Variants in IQGAP3 observed in about 807,000 individuals in gnomAD.
IQGAP3 encodes IQ motif containing GTPase activating protein 3, also known as ras GTPase-activating-like protein IQGAP3.
IQGAP3 carries 165 observed loss-of-function variants against 208.2 expected under a neutral mutation model. That is an observed-to-expected ratio of 0.79 (90% CI 0.70 to 0.90). IQGAP3 has a LOEUF of 0.90. IQGAP3 is among the 40% of genes least tolerant of loss of function. The pLI is 0.00. For synonymous variants in IQGAP3, 703 were observed against 803.6 expected (o/e 0.87, Z 2.12); for missense variants, 1,811 against 2,043.1 (o/e 0.89, Z 2.19).
chr1:156,572,160 G>A lies in IQGAP3; in HGVS notation c.37+333C>T, dbSNP rs184166856. Among the ~76,000 whole-genome samples the A allele has an allele frequency of 1.8e-3, 278 of 152,326 alleles. 1 individual carries two copies. Among genetic ancestry groups the A allele is most frequent in the African/African-American group, 6.3e-3 (262 of 41,584 alleles). ...GCGTCTTGTCCGGTGGCATCGCTGG[G>A]CAAGTTTGGTAGCCAGCAGTAACTG... On this transcript the variant is annotated intron_variant, in intron 1 of 37. Transcript: ENST00000361170.
chr1:156,555,441 G>A (rs985044062), intron 12 of IQGAP3, among the ~76,000 whole-genome samples: 3 of 152,128 alleles, frequency 2.0e-5, no homozygotes, highest in African/African-American at 4.8e-5. Context: ...GGCCAGGCTG[G>A]TCTCAAACTC....
At position 156,566,020 on chromosome 1, in the gene IQGAP3, G is replaced by C. The variant is rs1038906443; in HGVS notation, c.360+7C>G. The C allele has an allele frequency of 6.2e-7, 1 of 1,607,028 alleles. No individual in the cohort carries two copies. The highest frequency in any genetic ancestry group is 8.5e-7 in the Non-Finnish European group (1 of 1,173,672). ...AGATGAATACCAATCTTCAGGCCCA[G>C]TATTACCGAAGGCAGACCGATGTGG... On this transcript the variant is annotated splice_region_variant and intron_variant, in intron 4 of 37. Coordinates refer to ENST00000361170, the MANE Select transcript of IQGAP3 (RefSeq NM_178229.5).
At position 156,525,921 on chromosome 1, in the gene IQGAP3, G is replaced by A. The variant is rs1220869230; in HGVS notation, c.*565C>T. 1.3e-5 allele frequency: 2 copies of A among 154,840 alleles called. No homozygotes were observed. The highest frequency in any genetic ancestry group is 2.9e-5 in the Non-Finnish European group (2 of 69,452). The allele number at this position is 154,840 out of a possible 1,614,324, so 9.6% of individuals were successfully genotyped here. A position where few individuals can be genotyped will look rare whatever the true frequency, so the allele number is the denominator to read the frequency against. On this transcript the variant is annotated 3_prime_UTR_variant, in exon 38 of 38. Coordinates refer to ENST00000361170, the MANE Select transcript of IQGAP3 (RefSeq NM_178229.5). ...GCCCATGCCGCCATGGGGGGCAACA[G>A]TGCCACAATGCCACATGGGCACTAA...
intron 1 of IQGAP3, 65 bp from the exon 2 acceptor site, chr1:156,569,528 CTT>C (rs34005985): frequency 0.022 from 2,960 of 137,366 alleles, no homozygotes; most frequent in South Asian, 0.036. Flanking sequence ...ACTGAAGGGT[CTT>C]TTTTTTTTTT....
At chr1:156,564,102 G>C (rs1022265584) in intron 5 of IQGAP3, among the ~76,000 whole-genome samples, 4 of 152,168 alleles carry the variant, frequency 2.6e-5, no homozygotes, top group African/African-American at 7.2e-5. Context: ...AATGGAGAGA[G>C]AGGACAGGAA....
rs568581518 is a variant in IQGAP3 at position 156,551,285 on chromosome 1, C to T, written c.1734+420G>A. Among the ~76,000 whole-genome samples, 3 of 152,312 alleles carry T rather than the reference C, an allele frequency of 2.0e-5. No individual in the cohort carries two copies. In the East Asian group the frequency reaches 5.8e-4, roughly 29 times the overall value. ...CTGGCCCAGGAGTCTGAGCTCTCAA[C>T]CACTCTCTACTGCAACATACTCAGG... On this transcript the variant is annotated intron_variant, in intron 15 of 37. Transcript: ENST00000361170.
Position 156,561,998 on chromosome 1 carries a change from T to A in IQGAP3, c.881A>T (p.His294Leu). ...ATCATCAACAACTTCTAGAGCCCCA[T>A]GGACTGAAAAAAAATGACTCCATAA... is the stretch of plus-strand genomic sequence containing the variant. ...IQGNINHVNV[H>L]GALEVVDDAL... The change falls in exon 10 of 38, where the codon CAT (histidine) becomes CTT (leucine). Residue 294 changes from histidine to leucine, a missense_variant. His to Leu is a moderately conservative substitution (Grantham distance 99). Coordinates refer to ENST00000361170, the MANE Select transcript of IQGAP3 (RefSeq NM_178229.5). 6.2e-7 allele frequency: 1 copy of A among 1,603,180 alleles called. No homozygotes were observed. Among genetic ancestry groups the A allele is most frequent in the Non-Finnish European group, 8.5e-7 (1 of 1,175,676 alleles).
At chr1:156,564,589 GGAT>G in intron 5 of IQGAP3, 23 bp downstream of exon 5, 6 of 1,512,240 alleles carry the variant, frequency 4.0e-6, no homozygotes, top group Non-Finnish European at 5.5e-6. Flanking sequence ...AGAGGAACCT[GGAT>G]GATAAAATTT....
chr1:156,527,041 CAGGCTGG>C (rs777149054), intron 37 of IQGAP3, among the ~76,000 whole-genome samples: 1 of 151,302 alleles, frequency 6.6e-6, no homozygotes, highest in Non-Finnish European at 1.5e-5. Flanking sequence ...CTATATTGGC[CAGGCTGG>C]TCTTGAACTG....
chr1:156,570,111 CTG>C (rs1423706573), intron 1 of IQGAP3, among the ~76,000 whole-genome samples: 1 of 152,194 alleles, frequency 6.6e-6, no homozygotes, highest in Admixed American at 6.5e-5. Context: ...AGAACTGGAC[CTG>C]TGTCATCCTC....
At chr1:156,564,471 C>T (rs185170749) in intron 5 of IQGAP3, 144 bp downstream of exon 5, 1 of 689,434 alleles carries the variant, frequency 1.5e-6, no homozygotes, top group South Asian at 1.7e-5. Context: ...CTAAACACAA[C>T]TCTGTAAATC....
Position 156,537,319 on chromosome 1 carries a change from T to C in IQGAP3, c.3284A>G (p.His1095Arg), listed in dbSNP as rs1290994268. ...QTEAQTGQRS[H>R]LPYDVTPEQA... Reference sequence around the variant, plus strand: ...CTCCGGGGTGACATCATATGGGAGATGGCTATGAGCAGAGAGAGACAAGGT... The same window carrying C: ...CTCCGGGGTGACATCATATGGGAGACGGCTATGAGCAGAGAGAGACAAGGT... The change falls in exon 27 of 38, where the codon CAT (histidine) becomes CGT (arginine). Residue 1095 changes from histidine to arginine, a missense_variant and splice_region_variant. Physicochemically the swap from His to Arg is conservative, Grantham distance 29. Coordinates refer to ENST00000361170, the MANE Select transcript of IQGAP3 (RefSeq NM_178229.5). The C allele has an allele frequency of 6.2e-6, 10 of 1,611,946 alleles. No individual in the cohort carries two copies. In the African/African-American group the frequency reaches 9.4e-5, roughly 15 times the overall value.
At chr1:156,526,701 AG>A in intron 37 of IQGAP3, 102 bp from the exon 38 acceptor site, 1 of 759,770 alleles carries the variant, frequency 1.3e-6, no homozygotes, top group South Asian at 1.5e-5. Flanking sequence ...TGCAGTCACC[AG>A]TGGCACTGGC....
At chr1:156,570,299 T>C (rs1676591278) in intron 1 of IQGAP3, among the ~76,000 whole-genome samples, 2 of 152,198 alleles carry the variant, frequency 1.3e-5, no homozygotes, top group Admixed American at 6.5e-5. Context: ...CCAGTACTTC[T>C]GGATGCTGAG....
intron 1 of IQGAP3, 65 bp from the exon 2 acceptor site, chr1:156,569,528 CTTTTTTTT>C (rs34005985): frequency 1.8e-3 from 252 of 138,238 alleles, no homozygotes; most frequent in Middle Eastern, 5.9e-3. Flanking sequence ...ACTGAAGGGT[CTTTTTTTT>C]TTTTTTTTTT....
At chr1:156,532,879 C>G in intron 32 of IQGAP3, 101 bp downstream of exon 32, 1 of 1,285,030 alleles carries the variant, frequency 7.8e-7, no homozygotes, top group South Asian at 1.3e-5. Context: ...GATAAGGGAG[C>G]CCAGGAAGAA....
intron 1 of IQGAP3, 41 bp downstream of exon 1, chr1:156,572,452 G>T (rs201505017): frequency 1.3e-6 from 2 of 1,598,192 alleles, no homozygotes; most frequent in Non-Finnish European, 1.7e-6. Flanking sequence ...CCGACCAGCG[G>T]CACCACTGCG....
intron 4 of IQGAP3, 126 bp downstream of exon 4, chr1:156,565,901 T>C (rs1557946966): frequency 2.7e-6 from 2 of 734,264 alleles, no homozygotes; most frequent in Non-Finnish European, 4.8e-6. Context: ...ACTGTTCTCT[T>C]AGATTAAGTT....
At chr1:156,556,454 AGGGT>A in intron 12 of IQGAP3, 75 bp downstream of exon 12, 1 of 1,417,028 alleles carries the variant, frequency 7.1e-7, no homozygotes, top group Non-Finnish European at 9.9e-7. Context: ...CACTCACAAG[AGGGT>A]GGCCTGGGCT....
Sources: allele counts gnomAD v4.1 joint callset (sites outside exome capture counted in the v4.1 genomes callset), GRCh38; gene constraint gnomAD v4.1.1; transcripts MANE v1.5; gene names NCBI Gene and HGNC (gene_info 2026-07-23, HGNC 2026-07-21).